The following PAQR5 variants were observed in gnomAD, a reference collection of about 807,000 sequenced individuals.
PAQR5 encodes membrane progestin receptor gamma.
A neutral mutation model predicts 34.5 loss-of-function variants in PAQR5; 20 were observed. The ratio of observed to expected loss-of-function variants is 0.58; its 90% CI spans 0.41 to 0.84. The LOEUF (loss-of-function observed/expected upper bound fraction) is 0.84, where lower values mean the gene tolerates loss of function less well. Ranked by LOEUF, PAQR5 falls within the 40% of genes least tolerant of loss-of-function variation. The pLI, the probability that PAQR5 is intolerant of heterozygous loss-of-function variation, is 0.00. For synonymous variants in PAQR5, 131 were observed against 155.6 expected (o/e 0.84, Z 1.18); for missense variants, 378 against 412.7 (o/e 0.92, Z 0.73).
At chr15:69,342,929 A>C (rs1395335177) in intron 2 of PAQR5, among the ~76,000 whole-genome samples, 1 of 152,002 alleles carries the variant, frequency 6.6e-6, no homozygotes, top group Non-Finnish European at 1.5e-5. Flanking sequence ...CATTCAGACC[A>C]CTCTGAGATA....
intron 1 of PAQR5, among the ~76,000 whole-genome samples, chr15:69,329,824 G>T (rs138318190): frequency 6.6e-6 from 1 of 152,018 alleles, no homozygotes; most frequent in Non-Finnish European, 1.5e-5. Flanking sequence ...AGTTTTTGCC[G>T]CTGATGGCTC....
At chr15:69,340,011 C>T (rs527699514) in intron 2 of PAQR5, among the ~76,000 whole-genome samples, 82 of 152,284 alleles carry the variant, frequency 5.4e-4, no homozygotes, top group Non-Finnish European at 8.2e-4. Context: ...GGATTACAGG[C>T]ATGTGCCACC....
intron 1 of PAQR5, among the ~76,000 whole-genome samples, chr15:69,336,525 C>CAG (rs1221035827): frequency 1.3e-5 from 2 of 152,198 alleles, no homozygotes; most frequent in East Asian, 3.8e-4. Flanking sequence ...CTGTGTGCCA[C>CAG]AGGTAACAAA....
At chr15:69,400,498 C>A (rs1369538148) in intron 8 of PAQR5, among the ~76,000 whole-genome samples, 1 of 152,126 alleles carries the variant, frequency 6.6e-6, no homozygotes, top group Admixed American at 6.5e-5. Flanking sequence ...TCAAGACAAT[C>A]CTGAGCAACA....
intron 6 of PAQR5, among the ~76,000 whole-genome samples, chr15:69,390,367 T>TTTTTTG (rs60267549): frequency 6.7e-6 from 1 of 149,552 alleles, no homozygotes. Flanking sequence ...TTTATTTTTT[T>TTTTTTG]GAGACAGGGT....
At chr15:69,300,577 CTTTCTTTCTTTCCT>C (rs2053513779) in intron 1 of PAQR5, among the ~76,000 whole-genome samples, 5 of 82,734 alleles carry the variant, frequency 6.0e-5, no homozygotes. Context: ...CTTTCTCTTT[CTTTCTTTCTTTCCT>C]TCTTTCTTTC....
Position 69,340,023 on chromosome 15 carries a change from C to T in PAQR5, c.-116+2522C>T, listed in dbSNP as rs1033341763. 9.9e-5 allele frequency among the ~76,000 whole-genome samples: 15 copies of T among 152,254 alleles called. No homozygotes were observed. The East Asian group carries it at 2.7e-3, about 28-fold the overall frequency. On this transcript the variant is annotated intron_variant, in intron 2 of 8. Transcript: ENST00000395407. Reference sequence around the variant, plus strand: ...CTGGGATTACAGGCATGTGCCACCACGCCCGGCTAATTTTGTATTTGTGGT... The same window carrying T: ...CTGGGATTACAGGCATGTGCCACCATGCCCGGCTAATTTTGTATTTGTGGT...
rs71149912 is a variant in PAQR5, at chr15:69,378,264, TAA to T, written c.52-1594_52-1593del. ...TGGGCAACAAAATGAGACTCCATCT[TAA>T]AAAAAAAAAAAAAAAAAAAAAAAAT... On this transcript the variant is annotated intron_variant, in intron 3 of 8. Coordinates refer to ENST00000395407, the MANE Select transcript of PAQR5 (RefSeq NM_017705.4). Among the ~76,000 whole-genome samples the T allele has an allele frequency of 4.5e-4, 27 of 59,690 alleles. 1 individual carries two copies. The highest frequency in any genetic ancestry group is 2.2e-3 in the African/African-American group (26 of 11,860). 39.2% of individuals were successfully genotyped at this position (59,690 alleles called of 152,430 possible).
intron 2 of PAQR5, among the ~76,000 whole-genome samples, chr15:69,348,168 C>T (rs2054822128): frequency 6.6e-6 from 1 of 152,148 alleles, no homozygotes; most frequent in South Asian, 2.1e-4. Context: ...CTTTGGGACA[C>T]CTCTGTTTTC....
chr15:69,335,794 C>T (rs914352522), intron 1 of PAQR5, among the ~76,000 whole-genome samples: 3 of 152,036 alleles, frequency 2.0e-5, no homozygotes, highest in African/African-American at 7.2e-5. Flanking sequence ...GAAAACTGAT[C>T]TGCTGTTGGA....
intron 1 of PAQR5, among the ~76,000 whole-genome samples, chr15:69,301,003 CT>C (rs201788901): frequency 4.3e-5 from 5 of 115,172 alleles, no homozygotes; most frequent in African/African-American, 1.8e-4. Context: ...TTCTTTCTTT[CT>C]TTCTTTCTTC....
At chr15:69,391,517 T>C (rs1429801312) in intron 6 of PAQR5, 3 of 370,900 alleles carry the variant, frequency 8.1e-6, no homozygotes, top group East Asian at 7.7e-5. Context: ...GTAATAACCC[T>C]GCGGAAACAA....
chr15:69,341,739 G>A (rs1267419455), intron 2 of PAQR5, among the ~76,000 whole-genome samples: 1 of 151,996 alleles, frequency 6.6e-6, no homozygotes, highest in East Asian at 1.9e-4. Flanking sequence ...GAGCTCAGGA[G>A]TTTGAGACCA....
At chr15:69,319,956 C>A (rs1173703801) in intron 1 of PAQR5, among the ~76,000 whole-genome samples, 5 of 152,362 alleles carry the variant, frequency 3.3e-5, no homozygotes, top group African/African-American at 1.2e-4. Flanking sequence ...TCTGGTCTGG[C>A]TTCCACAGGC....
intron 1 of PAQR5, among the ~76,000 whole-genome samples, chr15:69,299,446 G>A (rs2053474977): frequency 6.6e-6 from 1 of 152,214 alleles, no homozygotes; most frequent in Non-Finnish European, 1.5e-5. Context: ...TTGGATTGGG[G>A]CTGCACAGTT....
In PAQR5 at chr15:69,389,792, T is replaced by A; in HGVS notation, c.512+12T>A. On this transcript the variant is annotated intron_variant, in intron 6 of 8. Transcript: ENST00000395407. Reference sequence around the variant, plus strand: ...TCCTGCTACTCCAGGTACTGGTCGCTCTGACCTCAGATGGGAGGGGAGGGA... The same window carrying A: ...TCCTGCTACTCCAGGTACTGGTCGCACTGACCTCAGATGGGAGGGGAGGGA... 1 of 1,613,764 alleles carries A rather than the reference T, an allele frequency of 6.2e-7. No homozygotes were observed. The highest frequency in any genetic ancestry group is 8.5e-7 in the Non-Finnish European group (1 of 1,179,776).
chr15:69,308,022 T>C (rs779194263), intron 1 of PAQR5, among the ~76,000 whole-genome samples: 15 of 152,054 alleles, frequency 9.9e-5, no homozygotes, highest in Non-Finnish European at 7.4e-5. Context: ...CATTGACAAG[T>C]GTGAAAAGGC....
intron 5 of PAQR5, 77 bp from the exon 6 acceptor site, chr15:69,389,577 C>A: frequency 6.3e-7 from 1 of 1,584,344 alleles, no homozygotes; most frequent in South Asian, 1.1e-5. Flanking sequence ...AAGCCAGATG[C>A]TGGGGACAGT....
intron 4 of PAQR5, chr15:69,380,358 T>G (rs1266292778): frequency 4.3e-6 from 1 of 232,218 alleles, no homozygotes; most frequent in Non-Finnish European, 8.5e-6. Context: ...ATGTCACTAG[T>G]TTGAGCAAGT....
Sources: gnomAD v4.1 joint callset for allele counts (sites outside exome capture counted in the v4.1 genomes callset) on GRCh38, gnomAD v4.1.1 for gene constraint, MANE v1.5 for transcripts, NCBI Gene and HGNC (gene_info 2026-07-23, HGNC 2026-07-21) for gene names.